Variants in LAMA1 observed in about 807,000 individuals in gnomAD.
The protein encoded by LAMA1 is laminin subunit alpha-1.
A neutral mutation model predicts 348.7 loss-of-function variants in LAMA1; 219 were observed. That is an observed-to-expected ratio of 0.63 (90% confidence interval 0.56 to 0.70). The LOEUF (loss-of-function observed/expected upper bound fraction) is 0.70. LAMA1 is among the 30% of genes least tolerant of loss of function. The pLI, the probability that LAMA1 is intolerant of heterozygous loss-of-function variation, is 0.00. For missense variants in LAMA1, 3,744 were observed against 3,888.0 expected (o/e 0.96, Z 0.99); for synonymous variants, 1,487 against 1,491.0 (o/e 1.00, Z 0.06).
chr18:7,011,270 G>T, intron 25 of LAMA1, 30 bp downstream of exon 25: 2 of 1,607,412 alleles, frequency 1.2e-6, no homozygotes, highest in South Asian at 2.2e-5. Flanking sequence ...AGGAAGCACC[G>T]ACTGGCTCTC....
At chr18:7,003,746 C>A (rs1568026618) in intron 29 of LAMA1, among the ~76,000 whole-genome samples, 1 of 152,220 alleles carries the variant, frequency 6.6e-6, no homozygotes, top group Non-Finnish European at 1.5e-5. Flanking sequence ...GGCTGACTCA[C>A]ACTTTTATCC....
chr18:6,946,494 C>T (rs1361240163), intron 61 of LAMA1, among the ~76,000 whole-genome samples: 15 of 151,830 alleles, frequency 9.9e-5, no homozygotes, highest in Admixed American at 2.0e-4. Context: ...GCGAGGCGGG[C>T]GGATCACGAG....
At position 7,011,451 on chromosome 18, in the gene LAMA1, A is replaced by C; in HGVS notation, c.3536T>G (p.Leu1179Arg). Residue 1179 changes from leucine (L) to arginine (R), a missense_variant, in exon 25 of 63, where the codon CTG becomes CGG. Transcript: ENST00000389658. ...PVTLGSDQPL[L>R]RVVSQSNLRG... ...CAAGTTACTCTGAGAAACCACACGC[A>C]GAAGAGGCTGATCGGAGCCCAGCGT... 6.2e-7 allele frequency: 1 copy of C among 1,608,108 alleles called. No individual in the cohort carries two copies. Among genetic ancestry groups the C allele is most frequent in the South Asian group, 1.1e-5 (1 of 89,526 alleles).
intron 1 of LAMA1, among the ~76,000 whole-genome samples, chr18:7,098,923 A>G (rs1186439394): frequency 6.7e-6 from 1 of 148,258 alleles, no homozygotes; most frequent in Non-Finnish European, 1.5e-5. Flanking sequence ...CCTACTGGGA[A>G]GTGAGGAGCC....
chr18:7,103,200 G>A (rs576647247), intron 1 of LAMA1, among the ~76,000 whole-genome samples: 1 of 152,178 alleles, frequency 6.6e-6, no homozygotes, highest in South Asian at 2.1e-4. Flanking sequence ...GGCGGATCAC[G>A]AGGTCAGGAG....
chr18:7,046,420 T>C, intron 5 of LAMA1, 53 bp from the exon 6 acceptor site: 1 of 1,087,778 alleles, frequency 9.2e-7, no homozygotes, highest in Non-Finnish European at 1.4e-6. Context: ...TTCAGTGAAA[T>C]GAAAATGTTG....
In LAMA1 at chr18:7,016,559, C is replaced by T. The variant is rs371922576; in HGVS notation, c.2921G>A (p.Gly974Asp). Residue 974 changes from glycine (G) to aspartate (D), a missense_variant, in exon 21 of 63, where the codon GGT becomes GAT. Transcript: ENST00000389658. Reference sequence around the variant, plus strand: ...CCTGTCACACCTTTTCCCTGCCACACCTGGGACACAGTGACACTGGCCTTC... The same window carrying T: ...CCTGTCACACCTTTTCCCTGCCACATCTGGGACACAGTGACACTGGCCTTC... The part of the protein sequence containing the change: ...TDEGQCHCVP[G>D]VAGKRCDRCA... The T allele has an allele frequency of 1.9e-6, 3 of 1,614,078 alleles. No homozygotes were observed. The highest frequency in any genetic ancestry group is 2.5e-6 in the Non-Finnish European group (3 of 1,180,032).
chr18:6,945,352 A>C (rs997840820), intron 61 of LAMA1, among the ~76,000 whole-genome samples: 52 of 152,174 alleles, frequency 3.4e-4, no homozygotes, highest in African/African-American at 1.3e-3. Flanking sequence ...AAAGAGGTGA[A>C]GGGCAAAAGG....
At position 7,065,323 on chromosome 18, in the gene LAMA1, C is replaced by A. The variant is rs192262165; in HGVS notation, c.346-14387G>T. On this transcript the variant is annotated intron_variant, in intron 3 of 62. Transcript: ENST00000389658. ...GTGTGGGGGAATTCTCTGTACTTTACATTCAATTTTTCTGTAAACCTAAAA... is the reference window on the plus strand; with the variant it reads ...GTGTGGGGGAATTCTCTGTACTTTAAATTCAATTTTTCTGTAAACCTAAAA... Among the ~76,000 whole-genome samples the A allele has an allele frequency of 1.6e-3, 247 of 150,512 alleles. No individual in the cohort carries two copies. The East Asian group carries it at 0.032, about 20-fold the overall frequency.
intron 5 of LAMA1, among the ~76,000 whole-genome samples, chr18:7,048,294 T>C (rs1445410312): frequency 6.6e-6 from 1 of 152,172 alleles, no homozygotes; most frequent in Non-Finnish European, 1.5e-5. Context: ...AAAATGCCAA[T>C]ACACGCACAC....
Position 7,016,610 on chromosome 18 carries a change from C to G in LAMA1, c.2870G>C (p.Gly957Ala). The change falls in exon 21 of 63, where the codon GGC becomes GCC. Residue 957 changes from glycine (G) to alanine (A), a missense_variant. This residue lies in a region of LAMA1 where 1,529 missense variants were observed against 1,689.4 expected (regional missense o/e 0.91). Coordinates refer to ENST00000389658, the MANE Select transcript of LAMA1 (RefSeq NM_005559.4). ...GCRPCNCSVA[G>A]SVSDGCTDEG... The stretch of plus-strand genomic sequence containing the variant: ...ATCCGTGCAGCCATCTGACACGGAG[C>G]CTGCCACGCTGCAGTTGCAGGGCCG... 1.9e-6 allele frequency: 3 copies of G among 1,614,146 alleles called. No homozygotes were observed. Among genetic ancestry groups the G allele is most frequent in the Non-Finnish European group, 1.7e-6 (2 of 1,180,036 alleles).
rs764170425 is a variant in LAMA1 at position 7,017,282 on chromosome 18, C to A, written c.2804G>T (p.Cys935Phe). ...PNVTGQQCDQ[C>F]LHGYYGLDSG... Reference sequence around the variant, plus strand: ...AATTAGTCACATGCATCTTACCAAGCACTGGTCACACTGCTGTCCAGTCAC... The same window carrying A: ...AATTAGTCACATGCATCTTACCAAGAACTGGTCACACTGCTGTCCAGTCAC... Residue 935 changes from cysteine to phenylalanine, a missense_variant, in exon 20 of 63, where the codon TGC becomes TTC. By Grantham distance (205) the Cys-to-Phe change is radical (BLOSUM62 -2). Transcript: ENST00000389658. 8 of 1,611,438 alleles carry A rather than the reference C, an allele frequency of 5.0e-6. No individual in the cohort carries two copies. The highest frequency in any genetic ancestry group is 5.9e-6 in the Non-Finnish European group (7 of 1,177,836).
intron 13 of LAMA1, among the ~76,000 whole-genome samples, chr18:7,035,501 T>C (rs1208232535): frequency 1.3e-5 from 2 of 151,988 alleles, no homozygotes; most frequent in African/African-American, 4.8e-5. Context: ...CAGCTCACTA[T>C]AACCTTGAAC....
intron 7 of LAMA1, among the ~76,000 whole-genome samples, chr18:7,044,515 G>T (rs1213663084): frequency 6.6e-6 from 1 of 152,092 alleles, no homozygotes; most frequent in African/African-American, 2.4e-5. Context: ...TATACGGGAA[G>T]GGGGACTCAT....
intron 26 of LAMA1, 69 bp from the exon 27 acceptor site, chr18:7,009,435 A>G (rs1439840496): frequency 6.5e-7 from 1 of 1,535,848 alleles, no homozygotes; most frequent in Admixed American, 1.7e-5. Context: ...ACTTATAAAG[A>G]ATAAATTCTT....
At chr18:6,942,940 G>A (rs2057505915) in intron 62 of LAMA1, among the ~76,000 whole-genome samples, 1 of 152,128 alleles carries the variant, frequency 6.6e-6, no homozygotes, top group African/African-American at 2.4e-5. Flanking sequence ...AGAGTCATAC[G>A]GCTGCCTTTA....
In LAMA1 at chr18:6,973,123, T is replaced by C. The variant is rs149903566; in HGVS notation, c.6708A>G (p.Thr2236=). Residue 2236 remains threonine (T), a synonymous_variant, in exon 47 of 63, where the codon ACA becomes ACG. Coordinates refer to ENST00000389658, the MANE Select transcript of LAMA1 (RefSeq NM_005559.4). ...SPTKTSKSPG[T]ANVLDVNNST... ...AATTGTTTACATCCAGAACATTAGC[T>C]GTCCCAGGGGATTTACTTGTTTTTG... The C allele has an allele frequency of 8.7e-6, 14 of 1,613,984 alleles. No individual in the cohort carries two copies. The highest frequency in any genetic ancestry group is 1.2e-5 in the Non-Finnish European group (14 of 1,179,888).
Position 6,950,902 on chromosome 18 carries a change from G to A in LAMA1, c.8277C>T (p.Asn2759=). ...GCTGGAGCACAGCGTAGTCTGCTTGGTTCTGATGAGCCATGTAGTAAATCA... is the reference window on the plus strand; with the variant it reads ...GCTGGAGCACAGCGTAGTCTGCTTGATTCTGATGAGCCATGTAGTAAATCA... The part of the protein sequence containing the change: ...SGLIYYMAHQ[N]QADYAVLQLH... The change falls in exon 58 of 63, where the codon AAC becomes AAT. Residue 2759 remains asparagine (N), a synonymous_variant. Transcript: ENST00000389658. 1 of 1,614,174 alleles carries A rather than the reference G, an allele frequency of 6.2e-7. No homozygotes were observed. The highest frequency in any genetic ancestry group is 8.5e-7 in the Non-Finnish European group (1 of 1,180,020).
intron 36 of LAMA1, 46 bp downstream of exon 36, chr18:6,992,515 T>G (rs909459859): frequency 3.7e-6 from 6 of 1,602,194 alleles, no homozygotes; most frequent in Non-Finnish European, 5.1e-6. Context: ...GCGTGCAAGT[T>G]TCTCTCTCTA....
Sources: gnomAD v4.1 joint callset for allele counts (sites outside exome capture counted in the v4.1 genomes callset) on GRCh38, gnomAD v4.1.1 for gene constraint, gnomAD v4.1.1 regional missense constraint, MANE v1.5 for transcripts, NCBI Gene and HGNC (gene_info 2026-07-23, HGNC 2026-07-21) for gene names.